CCNH: variants seen among roughly 807,000 people sequenced by gnomAD.
CCNH encodes the protein cyclin H.
Under a neutral mutation model 41.9 loss-of-function variants are expected in CCNH, and 31 were observed. The ratio of observed to expected loss-of-function variants is 0.74; its 90% CI spans 0.56 to 1.00. The LOEUF (loss-of-function observed/expected upper bound fraction) is 1.00, where lower values mean the gene tolerates loss of function less well. CCNH is among the 50% of genes least tolerant of loss of function. The pLI is 0.00. For synonymous variants in CCNH, 138 were observed against 136.1 expected (o/e 1.01, Z -0.10); for missense variants, 362 against 388.4 (o/e 0.93, Z 0.57).
At chr5:87,368,602 T>C (rs1358771262) in intron 9 of CCNH, among the ~76,000 whole-genome samples, 1 of 152,220 alleles carries the variant, frequency 6.6e-6, no homozygotes, top group East Asian at 1.9e-4. Flanking sequence ...GTTCTATTTC[T>C]GGTTTGCCCT....
At chr5:87,403,232 A>G (rs1338999967) in intron 5 of CCNH, among the ~76,000 whole-genome samples, 2 of 151,530 alleles carry the variant, frequency 1.3e-5, no homozygotes, top group African/African-American at 2.4e-5. Context: ...CTAAAGGAAA[A>G]AAAAAAAAAA....
chr5:87,383,692 A>G, intron 9 of CCNH: 1 of 1,595,824 alleles, frequency 6.3e-7, no homozygotes, highest in Non-Finnish European at 8.5e-7. Context: ...AAAAAAAAAA[A>G]AAAATTTCCC....
At chr5:87,316,731 A>G (rs1185590583), downstream of CCNH, among the ~76,000 whole-genome samples, 1 of 152,144 alleles carries the variant, frequency 6.6e-6, no homozygotes, top group Non-Finnish European at 1.5e-5. Flanking sequence ...AGCCTCTCAC[A>G]ATTATAGATA....
At chr5:87,356,211 T>G (rs892836928) in intron 9 of CCNH, among the ~76,000 whole-genome samples, 1 of 152,132 alleles carries the variant, frequency 6.6e-6, no homozygotes, top group African/African-American at 2.4e-5. Flanking sequence ...ATAGGGAATT[T>G]CTTTTGTGAA....
chr5:87,394,134 GTT>G (rs912110600), downstream of CCNH: 2 of 520,558 alleles, frequency 3.8e-6, no homozygotes, highest in African/African-American at 4.1e-5. Flanking sequence ...ACTAAGTTTT[GTT>G]TTTTGTGGTG....
intron 4 of CCNH, among the ~76,000 whole-genome samples, 157 bp downstream of exon 4, chr5:87,407,819 A>T (rs1763911220): frequency 6.6e-6 from 1 of 152,154 alleles, no homozygotes; most frequent in Non-Finnish European, 1.5e-5. Flanking sequence ...ATGCCCACTG[A>T]AGTTTGAAAA....
chr5:87,395,010 A>G, intron 8 of CCNH, 34 bp downstream of exon 8: 1 of 1,612,118 alleles, frequency 6.2e-7, no homozygotes, highest in Non-Finnish European at 8.5e-7. Context: ...TATAACAAAA[A>G]TAACTTAGAG....
chr5:87,321,467 G>A (rs1756799678), intron 9 of CCNH, among the ~76,000 whole-genome samples: 1 of 152,158 alleles, frequency 6.6e-6, no homozygotes, highest in Admixed American at 6.5e-5. Context: ...TGCATCTCTG[G>A]AACTTCTACC....
chr5:87,341,238 A>G, intron 9 of CCNH: 1 of 1,071,714 alleles, frequency 9.3e-7, no homozygotes, highest in Non-Finnish European at 1.2e-6. Context: ...TTTTAATAAA[A>G]ATTGATTAAT....
At chr5:87,383,696 A>AT in intron 9 of CCNH, 4 of 1,517,562 alleles carry the variant, frequency 2.6e-6, no homozygotes, top group Non-Finnish European at 3.6e-6. Flanking sequence ...AAAAAAAAAA[A>AT]TTTCCCTCCC....
chr5:87,314,630 C>T (rs1334189538), downstream of CCNH, among the ~76,000 whole-genome samples: 2 of 151,886 alleles, frequency 1.3e-5, no homozygotes, highest in Non-Finnish European at 2.9e-5. Flanking sequence ...ATAGATGGTT[C>T]AGCTCATAGC....
chr5:87,335,419 GTTTTTTTTTT>G (rs34986349), intron 9 of CCNH, among the ~76,000 whole-genome samples: 40 of 72,888 alleles, frequency 5.5e-4, no homozygotes, highest in African/African-American at 2.0e-3. Context: ...AAAGAATGAG[GTTTTTTTTTT>G]TTTTTTTTTT....
chr5:87,399,191 T>C (rs1249285657), intron 7 of CCNH, among the ~76,000 whole-genome samples: 2 of 152,142 alleles, frequency 1.3e-5, no homozygotes, highest in African/African-American at 4.8e-5. Flanking sequence ...AAAGAACATA[T>C]GAGTCACAGC....
intron 9 of CCNH, chr5:87,337,966 A>AT: frequency 6.2e-7 from 1 of 1,603,278 alleles, no homozygotes; most frequent in Non-Finnish European, 8.5e-7. Context: ...TAAAATTGCT[A>AT]TTTTCAGTTT....
At chr5:87,394,517 A>G (rs1475899111) in intron 8 of CCNH, 33 bp from the exon 9 acceptor site, 5 of 1,612,672 alleles carry the variant, frequency 3.1e-6, no homozygotes, top group Non-Finnish European at 4.2e-6. Flanking sequence ...TAAGGATAAC[A>G]CTGAAGCATA....
chr5:87,380,474 C>A, upstream of CCNH: 1 of 1,547,594 alleles, frequency 6.5e-7, no homozygotes, highest in Non-Finnish European at 8.9e-7. Flanking sequence ...TTTTCACTTG[C>A]TTTCTGTGTT....
chr5:87,377,007 T>G lies in CCNH; in HGVS notation n.174A>C. 1.9e-6 allele frequency: 3 copies of G among 1,613,880 alleles called. No individual in the cohort carries two copies. The highest frequency in any genetic ancestry group is 2.5e-6 in the Non-Finnish European group (3 of 1,179,802). ...CGAAAAGCTTGAATCGTTGTTGTTATGCACACTAAATGACAGAGAAATAAG... is the reference window on the plus strand; with the variant it reads ...CGAAAAGCTTGAATCGTTGTTGTTAGGCACACTAAATGACAGAGAAATAAG... On this transcript the variant is annotated non_coding_transcript_exon_variant, in exon 1 of 1. Transcript: ENST00000607486.
chr5:87,315,479 G>A (rs144870376), downstream of CCNH, among the ~76,000 whole-genome samples: 222 of 152,256 alleles, frequency 1.5e-3, no homozygotes, highest in African/African-American at 4.6e-3. Context: ...ACCAAATACT[G>A]TCAATGTATG....
chr5:87,350,777 T>C (rs1286875586), intron 9 of CCNH, among the ~76,000 whole-genome samples: 1 of 151,622 alleles, frequency 6.6e-6, no homozygotes. Flanking sequence ...CCCCAGAACT[T>C]TGATTTTTAT....
Sources: allele counts gnomAD v4.1 joint callset (sites outside exome capture counted in the v4.1 genomes callset), GRCh38; gene constraint gnomAD v4.1.1; transcripts MANE v1.5; gene names NCBI Gene and HGNC (gene_info 2026-07-23, HGNC 2026-07-21).